Variants in SH3RF1 observed in about 807,000 individuals in gnomAD.
The protein encoded by SH3RF1 is E3 ubiquitin-protein ligase SH3RF1.
Under a neutral mutation model 74.0 loss-of-function variants are expected in SH3RF1, and 32 were observed. The ratio of observed to expected loss-of-function variants is 0.43; its 90% CI spans 0.33 to 0.58. The LOEUF is 0.58. Ranked by LOEUF, SH3RF1 falls within the 20% of genes least tolerant of loss-of-function variation. The probability of loss-of-function intolerance (pLI) is 0.05; values close to 1 mark genes in which losing one functional copy is unlikely to be tolerated. For synonymous variants in SH3RF1, 396 were observed against 439.6 expected (o/e 0.90, Z 1.24); for missense variants, 954 against 1,130.9 (o/e 0.84, Z 2.24).
At chr4:169,205,652 C>G (rs2706737) in intron 2 of SH3RF1, among the ~76,000 whole-genome samples, 71,300 of 151,948 alleles carry the variant, frequency 0.47, 17,995 homozygotes, top group East Asian at 0.78. Flanking sequence ...CATATTTTTT[C>G]ACTCTGGAAG....
chr4:169,249,744 G>C (rs1731066941), intron 2 of SH3RF1, among the ~76,000 whole-genome samples: 2 of 152,190 alleles, frequency 1.3e-5, no homozygotes, highest in South Asian at 4.1e-4. Context: ...ATACGTAGGA[G>C]GAAGCAAGTG....
intron 2 of SH3RF1, among the ~76,000 whole-genome samples, chr4:169,229,022 TA>T (rs1365152733): frequency 2.0e-5 from 3 of 152,172 alleles, no homozygotes; most frequent in Admixed American, 2.0e-4. Flanking sequence ...TAACCTGATT[TA>T]TTTTTTTAAA....
chr4:169,220,843 A>G (rs1579146096), intron 2 of SH3RF1, among the ~76,000 whole-genome samples: 1 of 152,252 alleles, frequency 6.6e-6, no homozygotes, highest in East Asian at 1.9e-4. Flanking sequence ...ACATTGTATT[A>G]GGTTAGTATT....
intron 2 of SH3RF1, among the ~76,000 whole-genome samples, chr4:169,218,676 C>A (rs1180443162): frequency 6.6e-6 from 1 of 151,458 alleles, no homozygotes; most frequent in East Asian, 1.9e-4. Flanking sequence ...GCAGATACAG[C>A]CAAAGACTAA....
chr4:169,267,305 C>T (rs1192836146), intron 2 of SH3RF1, among the ~76,000 whole-genome samples: 1 of 152,210 alleles, frequency 6.6e-6, no homozygotes, highest in African/African-American at 2.4e-5. Flanking sequence ...GGAAGCCATG[C>T]CTTCCCTAGT....
At chr4:169,154,393 A>G (rs1246232411) in intron 4 of SH3RF1, among the ~76,000 whole-genome samples, 3 of 152,190 alleles carry the variant, frequency 2.0e-5, no homozygotes, top group African/African-American at 7.2e-5. Flanking sequence ...ACAATGATAC[A>G]GTTTGTCATT....
intron 9 of SH3RF1, among the ~76,000 whole-genome samples, chr4:169,117,299 A>C (rs1482637181): frequency 6.6e-6 from 1 of 152,238 alleles, no homozygotes; most frequent in Non-Finnish European, 1.5e-5. Flanking sequence ...TCTTAGGATC[A>C]GCCTAATTTC....
intron 11 of SH3RF1, among the ~76,000 whole-genome samples, chr4:169,104,077 A>G (rs966089453): frequency 1.1e-4 from 16 of 152,166 alleles, no homozygotes; most frequent in Non-Finnish European, 2.9e-5. Flanking sequence ...GAGCCCCTCT[A>G]AGAGGAAGGG....
intron 2 of SH3RF1, among the ~76,000 whole-genome samples, chr4:169,179,766 G>A (rs1030549407): frequency 2.0e-5 from 3 of 152,212 alleles, no homozygotes; most frequent in African/African-American, 7.2e-5. Flanking sequence ...TTGCTTCCAA[G>A]TGAAACAAAA....
rs371801632 is a variant in SH3RF1, at chr4:169,109,354, GAAGA to G, written c.2140-2153_2140-2150del. On this transcript the variant is annotated intron_variant, in intron 10 of 11. Transcript: ENST00000284637. ...AGGGAACAGCCTCTAAAGTGATTAA[GAAGA>G]AAGATGACTTAATTCATCTAAAATG... 5.9e-5 allele frequency among the ~76,000 whole-genome samples: 9 copies of G among 152,326 alleles called. No individual in the cohort carries two copies. In the East Asian group the frequency reaches 1.7e-3, roughly 29 times the overall value.
At position 169,231,025 on chromosome 4, in the gene SH3RF1, C is replaced by T. The variant is rs139758058; in HGVS notation, c.393+37795G>A. Among the ~76,000 whole-genome samples, 585 of 152,174 alleles carry T rather than the reference C, an allele frequency of 3.8e-3. 4 individuals are homozygous for T. The highest frequency in any genetic ancestry group is 5.3e-3 in the Non-Finnish European group (358 of 68,004). ...TGCTAAAATGTAACGAAAAGGCCAC[C>T]GGTGCTAGGGCATAGGAAGGCTACT... On this transcript the variant is annotated intron_variant, in intron 2 of 11. Coordinates refer to ENST00000284637, the MANE Select transcript of SH3RF1 (RefSeq NM_020870.4).
At chr4:169,241,398 G>A (rs758154816) in intron 2 of SH3RF1, among the ~76,000 whole-genome samples, 19 of 152,212 alleles carry the variant, frequency 1.2e-4, no homozygotes, top group Non-Finnish European at 2.8e-4. Context: ...CCGAAAGGCA[G>A]TGAACTTCAC....
At chr4:169,170,412 C>T (rs7664461) in intron 2 of SH3RF1, among the ~76,000 whole-genome samples, 48,241 of 151,970 alleles carry the variant, frequency 0.32, 7,952 homozygotes, top group African/African-American at 0.4. Context: ...TTCCTACTAA[C>T]GAAAAATTTA....
chr4:169,266,215 T>C (rs780879392), intron 2 of SH3RF1, among the ~76,000 whole-genome samples: 14 of 152,234 alleles, frequency 9.2e-5, no homozygotes, highest in Admixed American at 6.5e-5. Context: ...ACATTCAATA[T>C]ACTTTGGCTA....
chr4:169,184,105 A>C (rs1388368106), intron 2 of SH3RF1, among the ~76,000 whole-genome samples: 3 of 152,234 alleles, frequency 2.0e-5, no homozygotes, highest in South Asian at 4.1e-4. Context: ...ACATGAATGC[A>C]TGGACTGCTC....
At chr4:169,214,672 C>CAT (rs944207860) in intron 2 of SH3RF1, among the ~76,000 whole-genome samples, 16 of 151,966 alleles carry the variant, frequency 1.1e-4, no homozygotes, top group Non-Finnish European at 1.9e-4. Flanking sequence ...TATATAGGTC[C>CAT]ATATATATGT....
chr4:169,180,862 A>G (rs1187519180), intron 2 of SH3RF1, among the ~76,000 whole-genome samples: 1 of 152,196 alleles, frequency 6.6e-6, no homozygotes, highest in Admixed American at 6.5e-5. Context: ...ACATAAACAA[A>G]TAAGAAAATA....
intron 2 of SH3RF1, among the ~76,000 whole-genome samples, chr4:169,255,875 C>T (rs1279076823): frequency 6.6e-6 from 1 of 152,004 alleles, no homozygotes; most frequent in Non-Finnish European, 1.5e-5. Context: ...TCAAGCGTTC[C>T]TCCCCCCTCA....
chr4:169,215,805 T>C (rs1730453353), intron 2 of SH3RF1, among the ~76,000 whole-genome samples: 1 of 151,994 alleles, frequency 6.6e-6, no homozygotes. Context: ...TGTTTGTAAC[T>C]TCCTGTGTGT....
Sources: gnomAD v4.1 joint callset for allele counts (sites outside exome capture counted in the v4.1 genomes callset) on GRCh38, gnomAD v4.1.1 for gene constraint, MANE v1.5 for transcripts, NCBI Gene and HGNC (gene_info 2026-07-23, HGNC 2026-07-21) for gene names.